The following RPS6KC1 variants were observed in gnomAD, a reference collection of about 807,000 sequenced individuals.
RPS6KC1 encodes ribosomal protein S6 kinase C1, also known as inactive ribosomal protein S6 kinase delta-1.
Under a neutral mutation model 103.8 loss-of-function variants are expected in RPS6KC1, and 54 were observed. The ratio of observed to expected loss-of-function variants is 0.52; its 90% CI spans 0.42 to 0.65. The LOEUF (loss-of-function observed/expected upper bound fraction) is 0.65, where lower values mean the gene tolerates loss of function less well. Among genes scored for constraint, RPS6KC1 ranks in the 30% least tolerant of loss-of-function variants. The pLI is 0.00. For missense variants in RPS6KC1, 1,151 were observed against 1,253.8 expected (o/e 0.92, Z 1.24); for synonymous variants, 439 against 438.7 (o/e 1.00, Z -0.01).
At chr1:213,695,245 A>G in the RPS6KC1 span, among the ~76,000 whole-genome samples, 2 of 152,254 alleles carry the variant, frequency 1.3e-5, no homozygotes, top group Admixed American at 1.3e-4. Context: ...GTGTGGGCAC[A>G]TGTCCTACAG....
At chr1:213,078,367 G>GT (rs947097624) in intron 3 of RPS6KC1, among the ~76,000 whole-genome samples, 6 of 151,074 alleles carry the variant, frequency 4.0e-5, no homozygotes, top group African/African-American at 4.9e-5. Flanking sequence ...GAATATTCAT[G>GT]TTTTTTTTCT....
At chr1:213,633,984 G>T in the RPS6KC1 span, among the ~76,000 whole-genome samples, 15 of 146,950 alleles carry the variant, frequency 1.0e-4, no homozygotes, top group South Asian at 3.3e-3. Context: ...GACAAAGAAG[G>T]CCATTACATA....
chr1:213,850,466 T>C, the RPS6KC1 span, among the ~76,000 whole-genome samples: 1 of 152,172 alleles, frequency 6.6e-6, no homozygotes, highest in Non-Finnish European at 1.5e-5. Context: ...GGAGGCTTTG[T>C]TCTACCCTGC....
At chr1:213,539,703 A>G in the RPS6KC1 span, among the ~76,000 whole-genome samples, 3 of 152,248 alleles carry the variant, frequency 2.0e-5, no homozygotes, top group Non-Finnish European at 2.9e-5. Context: ...GACTGGATCA[A>G]TAAGTCCCAT....
In RPS6KC1 at chr1:213,051,412, C is replaced by G. The variant is rs758603225; in HGVS notation, c.8C>G (p.Ser3Cys). The G allele has an allele frequency of 6.2e-7, 1 of 1,612,516 alleles. No homozygotes were observed. Among genetic ancestry groups the G allele is most frequent in the South Asian group, 1.1e-5 (1 of 90,998 alleles). Residue 3 changes from serine to cysteine, a missense_variant, in exon 1 of 15, where the codon TCT becomes TGT. By Grantham distance (112) the Ser-to-Cys change is moderately radical (BLOSUM62 -1). Transcript: ENST00000366960. MT[S>C]YRERSADLAR... ...GGCAGAGGCGGCGGGAGGATGACCTCTTACCGGGAGCGGAGTGCCGACCTG... is the reference window on the plus strand; with the variant it reads ...GGCAGAGGCGGCGGGAGGATGACCTGTTACCGGGAGCGGAGTGCCGACCTG...
At chr1:213,182,801 A>G (rs2092335739) in intron 8 of RPS6KC1, among the ~76,000 whole-genome samples, 1 of 148,446 alleles carries the variant, frequency 6.7e-6, no homozygotes, top group South Asian at 2.1e-4. Context: ...TATATATTTT[A>G]TATATCACAT....
chr1:213,606,765 T>G, the RPS6KC1 span, among the ~76,000 whole-genome samples: 1 of 152,340 alleles, frequency 6.6e-6, no homozygotes, highest in Admixed American at 6.5e-5. Flanking sequence ...TGAGACCAAC[T>G]GTTTTCCTCA....
chr1:213,671,069 A>G, the RPS6KC1 span, among the ~76,000 whole-genome samples: 1 of 152,178 alleles, frequency 6.6e-6, no homozygotes, highest in Non-Finnish European at 1.5e-5. Flanking sequence ...GAGAACACCC[A>G]AGCCTTCCAC....
the RPS6KC1 span, among the ~76,000 whole-genome samples, chr1:213,563,972 C>CTTTTTT: frequency 2.2e-5 from 3 of 134,384 alleles, no homozygotes; most frequent in Non-Finnish European, 4.7e-5. Context: ...TTGCTTACCT[C>CTTTTTT]TTTTTTTTTT....
chr1:213,678,706 T>C, the RPS6KC1 span, among the ~76,000 whole-genome samples: 1 of 152,228 alleles, frequency 6.6e-6, no homozygotes, highest in African/African-American at 2.4e-5. Flanking sequence ...GCATTTCTAA[T>C]CATCAGTGAG....
the RPS6KC1 span, among the ~76,000 whole-genome samples, chr1:213,326,739 A>T: frequency 1.3e-5 from 2 of 152,236 alleles, no homozygotes; most frequent in Non-Finnish European, 2.9e-5. Context: ...TGCACAAAAA[A>T]GTTGCAGCCA....
At chr1:213,459,349 C>A in the RPS6KC1 span, among the ~76,000 whole-genome samples, 1 of 151,728 alleles carries the variant, frequency 6.6e-6, no homozygotes, top group South Asian at 2.1e-4. Flanking sequence ...ATGTATGTGT[C>A]CAGGAATTTC....
chr1:213,513,735 G>A, the RPS6KC1 span, among the ~76,000 whole-genome samples: 1 of 152,156 alleles, frequency 6.6e-6, no homozygotes, highest in African/African-American at 2.4e-5. Flanking sequence ...GAAATAACTT[G>A]AAACACAAAG....
At chr1:213,350,438 G>C in the RPS6KC1 span, among the ~76,000 whole-genome samples, 3 of 152,196 alleles carry the variant, frequency 2.0e-5, no homozygotes, top group Non-Finnish European at 2.9e-5. Flanking sequence ...TTCTGGGGCA[G>C]ATGTGGGAGT....
At chr1:213,604,673 C>T in the RPS6KC1 span, among the ~76,000 whole-genome samples, 1 of 152,176 alleles carries the variant, frequency 6.6e-6, no homozygotes, top group Non-Finnish European at 1.5e-5. Flanking sequence ...TGTGGGCTGC[C>T]GACACCCTGA....
At chr1:213,438,178 C>T in the RPS6KC1 span, among the ~76,000 whole-genome samples, 13 of 152,132 alleles carry the variant, frequency 8.5e-5, no homozygotes, top group African/African-American at 3.1e-4. Context: ...GTGACATTTC[C>T]GTTTTGCCAT....
chr1:213,113,774 A>C (rs1206919417), intron 4 of RPS6KC1, among the ~76,000 whole-genome samples: 10 of 152,118 alleles, frequency 6.6e-5, no homozygotes, highest in Non-Finnish European at 1.5e-4. Flanking sequence ...AGCTTTCTAC[A>C]TATGGCTAGC....
At chr1:213,122,257 G>A (rs773982987) in intron 5 of RPS6KC1, among the ~76,000 whole-genome samples, 6 of 151,806 alleles carry the variant, frequency 4.0e-5, no homozygotes, top group Admixed American at 6.6e-5. Context: ...AATTCTTTAC[G>A]GTGTGTAGAC....
the RPS6KC1 span, among the ~76,000 whole-genome samples, chr1:213,617,544 TG>T: frequency 6.6e-6 from 1 of 152,242 alleles, no homozygotes; most frequent in South Asian, 2.1e-4. Flanking sequence ...AGTTAAATAT[TG>T]GAAGCTTATT....
Sources: allele counts gnomAD v4.1 joint callset (sites outside exome capture counted in the v4.1 genomes callset), GRCh38; gene constraint gnomAD v4.1.1; transcripts MANE v1.5; gene names NCBI Gene and HGNC (gene_info 2026-07-23, HGNC 2026-07-21).